UNC79: variants seen among roughly 807,000 people sequenced by gnomAD.
The protein encoded by UNC79 is protein unc-79 homolog.
In UNC79, 37 loss-of-function variants were observed where a neutral mutation model predicts 283.1. The ratio of observed to expected loss-of-function variants is 0.13; its 90% CI spans 0.10 to 0.17. The LOEUF is 0.17. Ranked by LOEUF, UNC79 falls within the 10% of genes least tolerant of loss-of-function variation. The pLI is 1.00. For synonymous variants in UNC79, 1,107 were observed against 1,200.2 expected (o/e 0.92, Z 1.61); for missense variants, 2,272 against 3,211.1 (o/e 0.71, Z 7.07).
chr14:93,650,153 G>A (rs773250918), intron 35 of UNC79, among the ~76,000 whole-genome samples: 21 of 152,052 alleles, frequency 1.4e-4, no homozygotes, highest in Non-Finnish European at 2.4e-4. Flanking sequence ...TTTATCAGGA[G>A]TTTGTTTCTT....
chr14:93,427,273 G>A (rs1285771912), upstream of UNC79, among the ~76,000 whole-genome samples: 2 of 152,154 alleles, frequency 1.3e-5, no homozygotes, highest in East Asian at 1.9e-4. Flanking sequence ...CAATCAAGCT[G>A]TGAGTATGCT....
chr14:93,379,135 C>T (rs769909065), intron 1 of UNC79, among the ~76,000 whole-genome samples: 1 of 152,112 alleles, frequency 6.6e-6, no homozygotes, highest in Non-Finnish European at 1.5e-5. Context: ...TCTGCAACTA[C>T]TTCCAGCTCA....
At chr14:93,593,689 G>A (rs377133025) in exon 23 of UNC79, 4 of 1,611,574 alleles carry the variant, frequency 2.5e-6, no homozygotes, top group South Asian at 1.1e-5. Context: ...GCCTGTGGAG[G>A]GTCGTCAAAT....
intron 1 of UNC79, among the ~76,000 whole-genome samples, chr14:93,355,084 C>A (rs2054058035): frequency 6.6e-6 from 1 of 150,828 alleles, no homozygotes; most frequent in African/African-American, 2.4e-5. Flanking sequence ...GCTGGGAGTG[C>A]AATGACGTCA....
chr14:93,343,395 A>C (rs953971394), intron 1 of UNC79, among the ~76,000 whole-genome samples: 3 of 152,340 alleles, frequency 2.0e-5, no homozygotes, highest in African/African-American at 7.2e-5. Flanking sequence ...TGCCAGTTGC[A>C]GAACTTGAAT....
At chr14:93,391,656 T>C (rs1454768410) in intron 1 of UNC79, among the ~76,000 whole-genome samples, 1 of 152,212 alleles carries the variant, frequency 6.6e-6, no homozygotes, top group Non-Finnish European at 1.5e-5. Flanking sequence ...CTTCAACTTC[T>C]GGCCTCAAGT....
At chr14:93,583,182 G>A (rs1408971838) in intron 20 of UNC79, among the ~76,000 whole-genome samples, 1 of 152,080 alleles carries the variant, frequency 6.6e-6, no homozygotes, top group African/African-American at 2.4e-5. Flanking sequence ...TTAGCCAAGT[G>A]TGGTGGCTCA....
intron 5 of UNC79, among the ~76,000 whole-genome samples, chr14:93,493,587 A>C (rs1188295530): frequency 6.6e-6 from 1 of 152,158 alleles, no homozygotes; most frequent in Non-Finnish European, 1.5e-5. Context: ...AGTAAAATTG[A>C]TAGGACTTGG....
intron 41 of UNC79, among the ~76,000 whole-genome samples, chr14:93,674,121 G>C (rs1429660234): frequency 6.6e-6 from 1 of 152,172 alleles, no homozygotes; most frequent in Admixed American, 6.5e-5. Flanking sequence ...GATGACCTGA[G>C]ACAGGCTATG....
chr14:93,550,245 A>G (rs768885226), intron 14 of UNC79, among the ~76,000 whole-genome samples: 1 of 152,196 alleles, frequency 6.6e-6, no homozygotes, highest in Non-Finnish European at 1.5e-5. Flanking sequence ...AATTTAAAAG[A>G]GTATGTTTAA....
In UNC79 at chr14:93,682,723, A is replaced by G. The variant is rs749149615; in HGVS notation, c.6819+29A>G. The G allele has an allele frequency of 1.1e-5, 17 of 1,600,968 alleles. No individual in the cohort carries two copies. In the South Asian group the frequency reaches 1.7e-4, roughly 16 times the overall value. On this transcript the variant is annotated intron_variant, in intron 42 of 48. Transcript: ENST00000555664. ...AGTCCTGACCAAATTCATTGTCTACATACTTACATTTCATAGAATAGTAGT... is the reference window on the plus strand; with the variant it reads ...AGTCCTGACCAAATTCATTGTCTACGTACTTACATTTCATAGAATAGTAGT...
At chr14:93,677,056 G>T (rs190277094) in intron 41 of UNC79, among the ~76,000 whole-genome samples, 4 of 152,112 alleles carry the variant, frequency 2.6e-5, no homozygotes, top group Non-Finnish European at 5.9e-5. Flanking sequence ...AATGTTGAGC[G>T]TGGTTTGTTC....
At chr14:93,425,661 A>C (rs1322025687), upstream of UNC79, among the ~76,000 whole-genome samples, 1 of 152,212 alleles carries the variant, frequency 6.6e-6, no homozygotes, top group Non-Finnish European at 1.5e-5. Context: ...GTAAGATGCT[A>C]CTTATTCATA....
At chr14:93,620,165 A>G (rs1052848530) in intron 29 of UNC79, among the ~76,000 whole-genome samples, 3 of 152,258 alleles carry the variant, frequency 2.0e-5, no homozygotes, top group Non-Finnish European at 4.4e-5. Context: ...TCTGGGATTC[A>G]TGAGATCCGT....
At chr14:93,530,341 C>T (rs982014616) in intron 10 of UNC79, among the ~76,000 whole-genome samples, 3 of 151,992 alleles carry the variant, frequency 2.0e-5, no homozygotes, top group Non-Finnish European at 2.9e-5. Context: ...GAAGTGGAGG[C>T]GGGCTGATGG....
At chr14:93,491,701 C>T (rs2140512921) in intron 5 of UNC79, among the ~76,000 whole-genome samples, 1 of 152,286 alleles carries the variant, frequency 6.6e-6, no homozygotes, top group East Asian at 1.9e-4. Flanking sequence ...TGTAAATTCT[C>T]AATAAATACT....
At chr14:93,554,007 T>C (rs892007944) in intron 14 of UNC79, among the ~76,000 whole-genome samples, 1 of 152,138 alleles carries the variant, frequency 6.6e-6, no homozygotes, top group Non-Finnish European at 1.5e-5. Context: ...GCAAAAATCC[T>C]TTAGTCTTTC....
At chr14:93,470,766 C>T (rs1566963404) in intron 2 of UNC79, among the ~76,000 whole-genome samples, 1 of 152,120 alleles carries the variant, frequency 6.6e-6, no homozygotes, top group Non-Finnish European at 1.5e-5. Context: ...GAGTTTAGTT[C>T]TTTGTTTGCT....
intron 40 of UNC79, among the ~76,000 whole-genome samples, chr14:93,669,777 C>T (rs560544296): frequency 7.9e-5 from 12 of 152,038 alleles, no homozygotes; most frequent in Non-Finnish European, 1.5e-4. Flanking sequence ...TGAGCCCAGG[C>T]GGTCAAGGCT....
Sources: allele counts gnomAD v4.1 joint callset (sites outside exome capture counted in the v4.1 genomes callset), GRCh38; gene constraint gnomAD v4.1.1; transcripts MANE v1.5; gene names NCBI Gene and HGNC (gene_info 2026-07-23, HGNC 2026-07-21).